Variants in PPEF2 observed in about 807,000 individuals in gnomAD.
PPEF2 encodes protein phosphatase with EF-hand domain 2.
In PPEF2, 84 loss-of-function variants were observed where a neutral mutation model predicts 84.7. The observed-to-expected ratio is 0.99, with a 90% CI of 0.83 to 1.19. The LOEUF (loss-of-function observed/expected upper bound fraction) is 1.19, where lower values mean the gene tolerates loss of function less well. PPEF2 is among the 50% of genes most tolerant of loss of function. The probability of loss-of-function intolerance (pLI) is 0.00; values close to 1 mark genes in which losing one functional copy is unlikely to be tolerated. For missense variants in PPEF2, 924 were observed against 937.5 expected (o/e 0.99, Z 0.19); for synonymous variants, 346 against 345.2 (o/e 1.00, Z -0.03).
At position 75,902,287 on chromosome 4, in the gene PPEF2, C is replaced by G. The variant is rs1009635477; in HGVS notation, c.-116G>C. On this transcript the variant is annotated 5_prime_UTR_variant, in exon 1 of 17. An upstream start codon of the reference 5' UTR is lost. Transcript: ENST00000286719. ...CACAACAAGGCAGAAATCTCTTTAACATGCAGGCGTGATCCCCATCCTGTC... is the reference window on the plus strand; with the variant it reads ...CACAACAAGGCAGAAATCTCTTTAAGATGCAGGCGTGATCCCCATCCTGTC... The G allele has an allele frequency of 3.3e-5, 5 of 152,220 alleles. No homozygotes were observed. The highest frequency in any genetic ancestry group is 1.2e-4 in the African/African-American group (5 of 41,454). 9.4% of individuals were successfully genotyped at this position (152,220 alleles called of 1,614,324 possible). A position where few individuals can be genotyped will look rare whatever the true frequency, so the allele number is the denominator to read the frequency against.
In PPEF2 at chr4:75,860,760, A is replaced by C. The variant is rs751835774; in HGVS notation, c.2169T>G (p.Leu723=). Residue 723 remains leucine (L), a synonymous_variant, in exon 17 of 17, where the codon CTT becomes CTG. Coordinates refer to ENST00000286719, the MANE Select transcript of PPEF2 (RefSeq NM_006239.3). ...CGCCCTCTGGGCAGGATTTCTCCAC[A>C]AGGCGGAAGGCCTCCAGGAACTCAT... The part of the protein sequence containing the change: ...DINEFLEAFR[L]VEKSCPEGDA... 1.9e-6 allele frequency: 3 copies of C among 1,614,116 alleles called. No homozygotes were observed. In the African/African-American group the frequency reaches 4.0e-5, roughly 22 times the overall value.
rs1723953669 is a variant in PPEF2 at position 75,860,059 on chromosome 4, A to G, written c.*608T>C. ...TTGTTAAAGACAATAAATAAAAAGT[A>G]TAAAATAGGCTGGGTGCGGTGGCTC... On this transcript the variant is annotated 3_prime_UTR_variant, in exon 17 of 17. Transcript: ENST00000286719. 1 of 152,288 alleles carries G rather than the reference A, an allele frequency of 6.6e-6. No homozygotes were observed. The highest frequency in any genetic ancestry group is 2.4e-5 in the African/African-American group (1 of 41,452). The allele number at this position is 152,288 out of a possible 1,614,324, so 9.4% of individuals were successfully genotyped here.
In PPEF2 at chr4:75,866,267, C is replaced by T. The variant is rs777700632; in HGVS notation, c.1842G>A (p.Leu614=). The part of the protein sequence containing the change: ...GLPWRMLRPQ[L]VNSSADNMLE... ...GCATGTTGTCTGCTGAGCTGTTCAC[C>T]AGCTGTGGCCTCAGCATCCGCCATG... The change falls in exon 15 of 17, where the codon CTG becomes CTA. Residue 614 remains leucine, a synonymous_variant. Coordinates refer to ENST00000286719, the MANE Select transcript of PPEF2 (RefSeq NM_006239.3). The T allele has an allele frequency of 1.2e-6, 2 of 1,614,148 alleles. No individual in the cohort carries two copies. Among genetic ancestry groups the T allele is most frequent in the Non-Finnish European group, 1.7e-6 (2 of 1,180,042 alleles).
intron 11 of PPEF2, among the ~76,000 whole-genome samples, chr4:75,875,095 G>A (rs1038221729): frequency 7.3e-5 from 11 of 151,570 alleles, no homozygotes; most frequent in African/African-American, 2.4e-4. Context: ...TAGTAGAGAC[G>A]GGGTTTCACC....
chr4:75,871,860 A>G (rs1343635122), intron 13 of PPEF2, among the ~76,000 whole-genome samples, 165 bp downstream of exon 13: 1 of 151,954 alleles, frequency 6.6e-6, no homozygotes, highest in Non-Finnish European at 1.5e-5. Context: ...GAAGGAAGAG[A>G]CTCCTACTCT....
At position 75,876,291 on chromosome 4, in the gene PPEF2, C is replaced by T; in HGVS notation, c.1316G>A (p.Arg439Lys). ...ELRKPTQEEWRQVVDILWSDP... is the reference protein window; with the variant it reads ...ELRKPTQEEWKQVVDILWSDP... Reference sequence around the variant, plus strand: ...GCAGCGCCTGGCCACGCTCACCTGCCTCCACTCCTCCTGAGTGGGCTTCCG... The same window carrying T: ...GCAGCGCCTGGCCACGCTCACCTGCTTCCACTCCTCCTGAGTGGGCTTCCG... The change falls in exon 11 of 17, where the codon AGG (arginine) becomes AAG (lysine). Residue 439 changes from arginine (R) to lysine (K), a missense_variant. Arg to Lys is a conservative substitution (Grantham distance 26, BLOSUM62 2). Transcript: ENST00000286719. The T allele has an allele frequency of 6.2e-7, 1 of 1,600,422 alleles. No homozygotes were observed. The highest frequency in any genetic ancestry group is 2.2e-5 in the East Asian group (1 of 44,718).
chr4:75,887,346 G>A (rs1431968115), intron 6 of PPEF2, among the ~76,000 whole-genome samples: 1 of 152,144 alleles, frequency 6.6e-6, no homozygotes, highest in Non-Finnish European at 1.5e-5. Flanking sequence ...TTATGGGCCG[G>A]GCGGGTGGCT....
chr4:75,900,911 C>G (rs904184307), intron 1 of PPEF2, among the ~76,000 whole-genome samples: 3 of 151,920 alleles, frequency 2.0e-5, no homozygotes, highest in African/African-American at 7.3e-5. Flanking sequence ...AAGCAAATTC[C>G]AGAAGAGCAC....
chr4:75,868,676 A>G (rs1724194010), intron 13 of PPEF2, among the ~76,000 whole-genome samples: 1 of 151,948 alleles, frequency 6.6e-6, no homozygotes, highest in South Asian at 2.1e-4. Context: ...AGCCTGGACA[A>G]CCAGAATGAG....
At position 75,866,248 on chromosome 4, in the gene PPEF2, T is replaced by C. The variant is rs778852135; in HGVS notation, c.1861A>G (p.Asn621Asp). The C allele has an allele frequency of 1.2e-6, 2 of 1,614,046 alleles. No homozygotes were observed. Among genetic ancestry groups the C allele is most frequent in the Non-Finnish European group, 1.7e-6 (2 of 1,180,042 alleles). The change falls in exon 15 of 17, where the codon AAC (asparagine) becomes GAC (aspartate). Residue 621 changes from asparagine (N) to aspartate (D), a missense_variant. Physicochemically the swap from Asn to Asp is conservative, Grantham distance 23. Transcript: ENST00000286719. ...AGCCAAGACTTGTACTCCAGCATGT[T>C]GTCTGCTGAGCTGTTCACCAGCTGT... Reference protein sequence around the residue: ...RPQLVNSSADNMLEYKSWLKN... With the variant: ...RPQLVNSSADDMLEYKSWLKN...
chr4:75,892,133 T>G (rs1179682930), intron 2 of PPEF2, among the ~76,000 whole-genome samples, 155 bp from the exon 3 acceptor site: 5 of 152,168 alleles, frequency 3.3e-5, no homozygotes, highest in African/African-American at 1.2e-4. Flanking sequence ...AGGAAGTATT[T>G]CCCTTTCTGC....
chr4:75,900,316 G>T (rs1220539021), intron 1 of PPEF2, among the ~76,000 whole-genome samples: 1 of 152,170 alleles, frequency 6.6e-6, no homozygotes, highest in Non-Finnish European at 1.5e-5. Flanking sequence ...ATTGGAGATA[G>T]AAATATAGCA....
intron 2 of PPEF2, among the ~76,000 whole-genome samples, chr4:75,893,563 C>A (rs1315465744): frequency 1.3e-5 from 2 of 152,156 alleles, no homozygotes; most frequent in Non-Finnish European, 2.9e-5. Flanking sequence ...GCTACAGATT[C>A]TTTAGAGATT....
Position 75,864,471 on chromosome 4 carries a change from G to C in PPEF2, c.1977C>G (p.Thr659=). Residue 659 remains threonine (T), a synonymous_variant, in exon 16 of 17, where the codon ACC becomes ACG. Transcript: ENST00000286719. ...GATCACTGTCTATGATCCTAAAAAT[G>C]GTCTCTAGGTTGGATCGGTTTCGAT... is the stretch of plus-strand genomic sequence containing the variant. ...TLYRNRSNLE[T]IFRIIDSDHS... is the part of the protein sequence containing the mutation. 6.2e-7 allele frequency: 1 copy of C among 1,611,438 alleles called. No homozygotes were observed. Among genetic ancestry groups the C allele is most frequent in the Non-Finnish European group, 8.5e-7 (1 of 1,177,624 alleles).
intron 10 of PPEF2, 98 bp from the exon 11 acceptor site, chr4:75,876,771 T>G: frequency 7.5e-7 from 1 of 1,328,016 alleles, no homozygotes; most frequent in Non-Finnish European, 1.0e-6. Context: ...TTTGGGAGAC[T>G]GAGCCCAGCA....
chr4:75,891,614 C>G, intron 4 of PPEF2, 34 bp downstream of exon 4: 8 of 1,576,126 alleles, frequency 5.1e-6, no homozygotes, highest in Non-Finnish European at 6.9e-6. Context: ...GGCCTTGCGA[C>G]AGGAGGACAT....
chr4:75,875,044 G>A (rs1348202830), intron 11 of PPEF2, among the ~76,000 whole-genome samples: 2 of 151,950 alleles, frequency 1.3e-5, no homozygotes, highest in East Asian at 3.9e-4. Context: ...TGGGACTACA[G>A]GCACCCACCA....
chr4:75,900,314 T>C (rs1725091417), intron 1 of PPEF2, among the ~76,000 whole-genome samples: 1 of 152,172 alleles, frequency 6.6e-6, no homozygotes, highest in Non-Finnish European at 1.5e-5. Flanking sequence ...TTATTGGAGA[T>C]AGAAATATAG....
chr4:75,891,399 C>G (rs1275418671), intron 4 of PPEF2, among the ~76,000 whole-genome samples: 1 of 152,062 alleles, frequency 6.6e-6, no homozygotes, highest in African/African-American at 2.4e-5. Context: ...GAATCCCTTC[C>G]CCACTCCCTC....
Sources: allele counts gnomAD v4.1 joint callset (sites outside exome capture counted in the v4.1 genomes callset), GRCh38; gene constraint gnomAD v4.1.1; transcripts MANE v1.5; gene names NCBI Gene and HGNC (gene_info 2026-07-23, HGNC 2026-07-21).